SPAG16: variants seen among roughly 807,000 people sequenced by gnomAD.
SPAG16 encodes the protein sperm associated antigen 16.
SPAG16 carries 86 observed loss-of-function variants against 80.4 expected under a neutral mutation model. The observed-to-expected ratio is 1.07, with a 90% CI of 0.90 to 1.28. The LOEUF (loss-of-function observed/expected upper bound fraction) is 1.28. Among genes scored for constraint, SPAG16 ranks in the 50% most tolerant of loss-of-function variants. The probability of loss-of-function intolerance (pLI) is 0.00; values close to 1 mark genes in which losing one functional copy is unlikely to be tolerated. For synonymous variants in SPAG16, 294 were observed against 265.9 expected (o/e 1.11, Z -1.03); for missense variants, 870 against 765.3 (o/e 1.14, Z -1.61).
chr2:213,794,958 T>A (rs1470320172), intron 10 of SPAG16, among the ~76,000 whole-genome samples: 1 of 152,140 alleles, frequency 6.6e-6, no homozygotes, highest in Non-Finnish European at 1.5e-5. Flanking sequence ...GAATGTTAAT[T>A]TATTCTCTAC....
intron 15 of SPAG16, among the ~76,000 whole-genome samples, chr2:214,358,985 TAC>T (rs1698999096): frequency 6.6e-6 from 1 of 151,938 alleles, no homozygotes. Flanking sequence ...CTGACTTTCT[TAC>T]AGTTTCACAG....
Position 213,705,006 on chromosome 2 carries a change from A to G in SPAG16, c.1071-157479A>G, listed in dbSNP as rs896383819. The stretch of plus-strand genomic sequence containing the variant: ...ATGGGCTTGCGCCTGTAATCCCAGC[A>G]CTTTGGGAGGCGGAGGCAGGCGGAT... On this transcript the variant is annotated intron_variant, in intron 10 of 15. Transcript: ENST00000331683. Among the ~76,000 whole-genome samples, 8 of 152,324 alleles carry G rather than the reference A, an allele frequency of 5.3e-5. 1 individual carries two copies. In the South Asian group the frequency reaches 1.7e-3, roughly 32 times the overall value.
intron 11 of SPAG16, among the ~76,000 whole-genome samples, chr2:213,893,381 A>T (rs1375940931): frequency 1.3e-5 from 2 of 152,158 alleles, no homozygotes; most frequent in African/African-American, 4.8e-5. Flanking sequence ...AAGGTATAAA[A>T]CCCACTGTTA....
intron 10 of SPAG16, among the ~76,000 whole-genome samples, chr2:213,793,781 G>A (rs936540519): frequency 1.3e-5 from 2 of 152,172 alleles, no homozygotes; most frequent in Non-Finnish European, 2.9e-5. Context: ...TCTTCGCTCT[G>A]TGGTCCAGTT....
At chr2:213,889,478 G>T (rs1432924965) in intron 11 of SPAG16, among the ~76,000 whole-genome samples, 2 of 151,132 alleles carry the variant, frequency 1.3e-5, no homozygotes, top group African/African-American at 4.9e-5. Context: ...AGGGGAAATA[G>T]TAATGCTGAC....
At chr2:213,651,642 T>C (rs1380021314) in intron 10 of SPAG16, among the ~76,000 whole-genome samples, 1 of 152,060 alleles carries the variant, frequency 6.6e-6, no homozygotes, top group Non-Finnish European at 1.5e-5. Flanking sequence ...TCCCTCTAAA[T>C]TGCACACGAA....
chr2:213,906,105 C>T (rs747674905), intron 11 of SPAG16, among the ~76,000 whole-genome samples: 1 of 152,050 alleles, frequency 6.6e-6, no homozygotes, highest in Admixed American at 6.6e-5. Flanking sequence ...ACTTCAGAGA[C>T]CTTTATTTTT....
chr2:213,381,454 G>A (rs2067169495), intron 9 of SPAG16, among the ~76,000 whole-genome samples: 1 of 152,176 alleles, frequency 6.6e-6, no homozygotes, highest in Non-Finnish European at 1.5e-5. Flanking sequence ...GTTCCATGTT[G>A]GTTTGTGCTG....
intron 15 of SPAG16, among the ~76,000 whole-genome samples, chr2:214,163,052 A>G (rs1367781175): frequency 6.6e-6 from 1 of 152,082 alleles, no homozygotes; most frequent in African/African-American, 2.4e-5. Context: ...TTGAGATCTC[A>G]GTTTCTGACA....
At chr2:214,067,688 A>G (rs950034822) in intron 13 of SPAG16, among the ~76,000 whole-genome samples, 19 of 152,148 alleles carry the variant, frequency 1.2e-4, no homozygotes, top group Admixed American at 1.2e-3. Flanking sequence ...TACAAGTAAA[A>G]TAGTCTGGAT....
intron 15 of SPAG16, among the ~76,000 whole-genome samples, chr2:214,316,966 C>G (rs1695742072): frequency 6.6e-6 from 1 of 152,198 alleles, no homozygotes; most frequent in Non-Finnish European, 1.5e-5. Flanking sequence ...AATAAGAAAT[C>G]TCTAATTATT....
At chr2:213,931,554 A>G (rs775733264) in intron 12 of SPAG16, among the ~76,000 whole-genome samples, 1 of 152,190 alleles carries the variant, frequency 6.6e-6, no homozygotes, top group East Asian at 1.9e-4. Flanking sequence ...AATAGAAAAC[A>G]GTGATCTTTT....
intron 11 of SPAG16, among the ~76,000 whole-genome samples, chr2:213,918,449 C>G (rs1191369788): frequency 1.3e-5 from 2 of 152,056 alleles, no homozygotes; most frequent in Admixed American, 6.6e-5. Context: ...GTGTCCTCAT[C>G]CAAATCTCAT....
intron 12 of SPAG16, among the ~76,000 whole-genome samples, chr2:213,983,027 A>T (rs79440653): frequency 0.025 from 3,744 of 152,034 alleles, 148 homozygotes; most frequent in African/African-American, 0.086. Context: ...TTTAAATCAC[A>T]TTGTCTTCCA....
chr2:213,807,404 A>G (rs1009802849), intron 10 of SPAG16, among the ~76,000 whole-genome samples: 1 of 151,820 alleles, frequency 6.6e-6, no homozygotes, highest in Non-Finnish European at 1.5e-5. Flanking sequence ...TGTTATCTCT[A>G]TGATGAAGCT....
At chr2:214,173,079 T>C (rs1404800370) in intron 15 of SPAG16, among the ~76,000 whole-genome samples, 1 of 152,046 alleles carries the variant, frequency 6.6e-6, no homozygotes, top group African/African-American at 2.4e-5. Context: ...TTTCTTTTGC[T>C]GTGCAGAAGC....
intron 10 of SPAG16, among the ~76,000 whole-genome samples, chr2:213,630,315 C>G (rs988285861): frequency 6.6e-6 from 1 of 150,864 alleles, no homozygotes; most frequent in African/African-American, 2.4e-5. Context: ...ACCTGGGAGG[C>G]AGAGGTTGCA....
At chr2:213,896,816 T>C (rs1236395417) in intron 11 of SPAG16, among the ~76,000 whole-genome samples, 1 of 152,038 alleles carries the variant, frequency 6.6e-6, no homozygotes, top group Non-Finnish European at 1.5e-5. Flanking sequence ...CTCACTGTCT[T>C]ATGTTAAAGC....
chr2:213,900,245 T>C (rs2077163972), intron 11 of SPAG16, among the ~76,000 whole-genome samples: 1 of 151,990 alleles, frequency 6.6e-6, no homozygotes, highest in African/African-American at 2.4e-5. Context: ...CAGGGGGGAT[T>C]TTTCACTGCA....
Sources: gnomAD v4.1 joint callset for allele counts (sites outside exome capture counted in the v4.1 genomes callset) on GRCh38, gnomAD v4.1.1 for gene constraint, MANE v1.5 for transcripts, NCBI Gene and HGNC (gene_info 2026-07-23, HGNC 2026-07-21) for gene names.